Variants in ANKS1B observed in about 807,000 individuals in gnomAD.
ANKS1B encodes ankyrin repeat and sterile alpha motif domain containing 1B.
A neutral mutation model predicts 148.3 loss-of-function variants in ANKS1B; 36 were observed. The ratio of observed to expected loss-of-function variants is 0.24; its 90% CI spans 0.19 to 0.32. The LOEUF (loss-of-function observed/expected upper bound fraction) is 0.32, where lower values mean the gene tolerates loss of function less well. Among genes scored for constraint, ANKS1B ranks in the 10% least tolerant of loss-of-function variants. The pLI is 1.00. For synonymous variants in ANKS1B, 542 were observed against 560.8 expected, an observed-to-expected ratio of 0.97 and a Z score of 0.47; for missense variants, 1,157 against 1,542.6, an observed-to-expected ratio of 0.75 and a Z score of 4.19.
chr12:99,762,046 G>A (rs2062175841), intron 8 of ANKS1B, among the ~76,000 whole-genome samples: 2 of 152,006 alleles, frequency 1.3e-5, no homozygotes, highest in African/African-American at 4.8e-5. Context: ...AGAAATCAGA[G>A]ATGATACAAA....
At chr12:98,799,562 T>G (rs1279463244) in intron 21 of ANKS1B, among the ~76,000 whole-genome samples, 6 of 151,480 alleles carry the variant, frequency 4.0e-5, no homozygotes, top group Non-Finnish European at 2.9e-5. Context: ...CATTCTCAGT[T>G]GTTTCCCAGG....
chr12:99,914,480 G>T (rs1163307477), intron 1 of ANKS1B, among the ~76,000 whole-genome samples: 2 of 152,240 alleles, frequency 1.3e-5, no homozygotes, highest in East Asian at 3.9e-4. Flanking sequence ...AATGAGAATG[G>T]CAGGCTTGGG....
intron 25 of ANKS1B, among the ~76,000 whole-genome samples, chr12:98,766,422 G>A (rs1440680970): frequency 6.6e-6 from 1 of 152,230 alleles, no homozygotes; most frequent in Non-Finnish European, 1.5e-5. Flanking sequence ...CAGGGCCAGG[G>A]AACGGCTTCT....
rs898620390 is a variant in ANKS1B at position 99,399,673 on chromosome 12, C to A, written c.1714G>T (p.Val572Leu). The A allele has an allele frequency of 6.2e-7, 1 of 1,613,412 alleles. No homozygotes were observed. The highest frequency in any genetic ancestry group is 8.5e-7 in the Non-Finnish European group (1 of 1,179,478). The part of the protein sequence containing the change: ...SPPASPPTSS[V>L]GTTEVKNEGT... ...TCATTCTTGACTTCTGTGGTTCCCA[C>A]AGAAGAGGTGGGTGGACTAGCAGGA... The change falls in exon 12 of 27, where the codon GTG becomes TTG. Residue 572 changes from valine to leucine, a missense_variant. By Grantham distance (32) the Val-to-Leu change is conservative. Around this residue, in one of 6 missense-constraint regions of ANKS1B, gnomAD observed 661 missense variants for 642.1 expected, o/e 1.03. Transcript: ENST00000683438.
chr12:99,276,499 G>A (rs1196481261), intron 12 of ANKS1B, among the ~76,000 whole-genome samples: 1 of 152,070 alleles, frequency 6.6e-6, no homozygotes, highest in Non-Finnish European at 1.5e-5. Flanking sequence ...CAGAGTGGAG[G>A]GCCACCATGT....
chr12:99,287,067 C>A (rs1340399412), intron 12 of ANKS1B, among the ~76,000 whole-genome samples: 1 of 151,872 alleles, frequency 6.6e-6, no homozygotes, highest in African/African-American at 2.4e-5. Flanking sequence ...CGGTGGTAGC[C>A]AGGCAGTGGA....
intron 15 of ANKS1B, among the ~76,000 whole-genome samples, chr12:99,151,591 A>C (rs1334438477): frequency 6.6e-6 from 1 of 152,030 alleles, no homozygotes; most frequent in African/African-American, 2.4e-5. Flanking sequence ...ATATCTAGAC[A>C]TTGGTGAAAA....
intron 12 of ANKS1B, among the ~76,000 whole-genome samples, chr12:99,274,591 C>A (rs2153991918): frequency 6.6e-6 from 1 of 152,286 alleles, no homozygotes; most frequent in East Asian, 1.9e-4. Flanking sequence ...CCTTTTTAGT[C>A]TTTCCCCAAC....
chr12:98,956,320 C>T (rs1173285691), intron 17 of ANKS1B: 1 of 152,322 alleles, frequency 6.6e-6, no homozygotes, highest in African/African-American at 2.4e-5. Flanking sequence ...CTCTCATTGT[C>T]TCTCACCTGG....
intron 16 of ANKS1B, among the ~76,000 whole-genome samples, chr12:99,080,656 T>C (rs1223594119): frequency 1.3e-5 from 2 of 152,148 alleles, no homozygotes; most frequent in African/African-American, 4.8e-5. Flanking sequence ...TGTTATATTA[T>C]CAAAGGACAG....
intron 1 of ANKS1B, among the ~76,000 whole-genome samples, chr12:99,863,489 G>A (rs1347002027): frequency 6.6e-6 from 1 of 152,120 alleles, no homozygotes; most frequent in Non-Finnish European, 1.5e-5. Flanking sequence ...GCCAAGGCAG[G>A]TGGATCACGA....
intron 8 of ANKS1B, among the ~76,000 whole-genome samples, chr12:99,689,906 G>C (rs1255905335): frequency 6.6e-6 from 1 of 152,190 alleles, no homozygotes; most frequent in Non-Finnish European, 1.5e-5. Context: ...ACCATGTACA[G>C]AGGACCTGTT....
intron 15 of ANKS1B, among the ~76,000 whole-genome samples, chr12:99,147,714 T>C (rs1374284617): frequency 6.6e-6 from 1 of 152,042 alleles, no homozygotes. Flanking sequence ...GATATGGATC[T>C]ATGAGAACCA....
intron 1 of ANKS1B, among the ~76,000 whole-genome samples, chr12:99,831,019 T>C (rs1395576171): frequency 6.6e-6 from 1 of 152,166 alleles, no homozygotes; most frequent in Non-Finnish European, 1.5e-5. Flanking sequence ...TTCCTCTTAG[T>C]TATGGGACTT....
intron 8 of ANKS1B, among the ~76,000 whole-genome samples, chr12:99,687,924 T>C (rs1366620807): frequency 2.6e-5 from 4 of 152,228 alleles, no homozygotes; most frequent in Non-Finnish European, 5.9e-5. Context: ...CAGATTTTGT[T>C]ATATTCTTTA....
downstream of ANKS1B, among the ~76,000 whole-genome samples, chr12:98,741,651 C>G (rs990964518): frequency 1.1e-4 from 17 of 152,188 alleles, no homozygotes; most frequent in Admixed American, 3.9e-4. Flanking sequence ...AACCCACACC[C>G]CAGAAACGGC....
intron 12 of ANKS1B, among the ~76,000 whole-genome samples, chr12:99,355,958 T>C (rs2091934767): frequency 6.6e-6 from 1 of 152,076 alleles, no homozygotes; most frequent in African/African-American, 2.4e-5. Flanking sequence ...ATTATTAAAA[T>C]TTATAAAATC....
intron 12 of ANKS1B, among the ~76,000 whole-genome samples, chr12:99,275,186 C>CT (rs1038015022): frequency 1.2e-3 from 182 of 152,264 alleles, no homozygotes; most frequent in African/African-American, 4.2e-3. Flanking sequence ...TTTATCCATT[C>CT]TTTGTTTTAT....
chr12:99,507,543 G>T (rs1468717788), intron 9 of ANKS1B, among the ~76,000 whole-genome samples: 1 of 151,774 alleles, frequency 6.6e-6, no homozygotes, highest in Non-Finnish European at 1.5e-5. Flanking sequence ...AATGTGTGTG[G>T]ACATGTGAGT....
Sources: allele counts gnomAD v4.1 joint callset (sites outside exome capture counted in the v4.1 genomes callset), GRCh38; gene constraint gnomAD v4.1.1; regional missense constraint gnomAD v4.1.1; transcripts MANE v1.5; gene names NCBI Gene and HGNC (gene_info 2026-07-23, HGNC 2026-07-21).